The following MLIP variants were observed in gnomAD, a reference collection of about 807,000 sequenced individuals.
The protein encoded by MLIP is muscular LMNA interacting protein, also known as muscular LMNA-interacting protein.
A neutral mutation model predicts 84.8 loss-of-function variants in MLIP; 79 were observed. The observed-to-expected ratio is 0.93, with a 90% CI of 0.78 to 1.12. MLIP has a LOEUF of 1.12. MLIP is among the 50% of genes most tolerant of loss of function. The pLI, the probability that MLIP is intolerant of heterozygous loss-of-function variation, is 0.00. For synonymous variants in MLIP, 504 were observed against 463.0 expected (o/e 1.09, Z -1.14); for missense variants, 1,257 against 1,160.6 (o/e 1.08, Z -1.21).
intron 1 of MLIP, among the ~76,000 whole-genome samples, chr6:54,090,140 A>G (rs1767767248): frequency 1.3e-5 from 2 of 152,152 alleles, no homozygotes; most frequent in Admixed American, 6.6e-5. Context: ...CAGAAGAAAC[A>G]TAAGCAGCAG....
At chr6:54,059,220 T>C (rs1406067690) in intron 1 of MLIP, among the ~76,000 whole-genome samples, 1 of 152,206 alleles carries the variant, frequency 6.6e-6, no homozygotes, top group African/African-American at 2.4e-5. Flanking sequence ...GCTTCTAGTT[T>C]TCTGGATAAA....
chr6:54,047,673 C>G (rs1230349635), intron 1 of MLIP: 2 of 152,156 alleles, frequency 1.3e-5, no homozygotes, highest in Admixed American at 6.5e-5. Flanking sequence ...TGAACTTCAA[C>G]TAAGCAGTTC....
At chr6:54,062,781 A>G (rs1456705492) in intron 1 of MLIP, among the ~76,000 whole-genome samples, 2 of 152,232 alleles carry the variant, frequency 1.3e-5, no homozygotes, top group African/African-American at 2.4e-5. Context: ...CATAAGGAAA[A>G]AGTAAAGTTT....
At chr6:54,193,079 T>C (rs573408404) in intron 10 of MLIP, among the ~76,000 whole-genome samples, 6 of 152,330 alleles carry the variant, frequency 3.9e-5, no homozygotes, top group East Asian at 1.9e-4. Context: ...AATAGAGCCA[T>C]GACCCTTACT....
In MLIP at chr6:54,137,568, C is replaced by T; in HGVS notation, c.1499C>T (p.Thr500Ile). 1 of 1,536,126 alleles carries T rather than the reference C, an allele frequency of 6.5e-7. No homozygotes were observed. Among genetic ancestry groups the T allele is most frequent in the Middle Eastern group, 1.7e-4 (1 of 5,988 alleles). The change falls in exon 4 of 14, where the codon ACT becomes ATT. Residue 500 changes from threonine to isoleucine, a missense_variant. Coordinates refer to ENST00000502396, the MANE Select transcript of MLIP (RefSeq NM_001281747.2). ...CACCTGCCTGTTTTCACCAAGTCTACTCCGCTTTCTCAGGCGCCCTCCCTC... is the reference window on the plus strand; with the variant it reads ...CACCTGCCTGTTTTCACCAAGTCTATTCCGCTTTCTCAGGCGCCCTCCCTC... ...SFHLPVFTKS[T>I]PLSQAPSLSP...
intron 1 of MLIP, among the ~76,000 whole-genome samples, chr6:54,097,588 T>A (rs761967894): frequency 1.3e-5 from 2 of 152,142 alleles, no homozygotes; most frequent in Non-Finnish European, 2.9e-5. Context: ...AAAATGATGG[T>A]GGCAGTAAAA....
intron 1 of MLIP, among the ~76,000 whole-genome samples, chr6:54,120,514 C>A (rs1770355832): frequency 2.0e-5 from 3 of 152,234 alleles, no homozygotes; most frequent in Admixed American, 6.5e-5. Context: ...GCTGGGATTA[C>A]AGGCAGGAGC....
At chr6:54,251,663 A>C (rs1782518203) in intron 12 of MLIP, among the ~76,000 whole-genome samples, 1 of 103,200 alleles carries the variant, frequency 9.7e-6, no homozygotes, top group Non-Finnish European at 1.7e-5. Flanking sequence ...TATAATATAA[A>C]TATATATTAT....
At chr6:54,161,104 T>C (rs989712925) in intron 8 of MLIP, among the ~76,000 whole-genome samples, 4 of 151,966 alleles carry the variant, frequency 2.6e-5, no homozygotes, top group Non-Finnish European at 5.9e-5. Flanking sequence ...AGGCTATGTT[T>C]TTTTTTTACA....
At chr6:54,160,494 T>G (rs755813932) in intron 6 of MLIP, 22 bp from the exon 7 acceptor site, 2 of 1,611,390 alleles carry the variant, frequency 1.2e-6, no homozygotes, top group Non-Finnish European at 1.7e-6. Context: ...GCTAACCCAG[T>G]ACCTGGTTTC....
chr6:54,206,960 C>A (rs115552181), intron 11 of MLIP, among the ~76,000 whole-genome samples: 2,543 of 152,230 alleles, frequency 0.017, 41 homozygotes, highest in Non-Finnish European at 0.025. Context: ...TTTATAATTG[C>A]TAACATTTTA....
At chr6:54,186,251 C>A in intron 9 of MLIP, among the ~76,000 whole-genome samples, 1 of 152,130 alleles carries the variant, frequency 6.6e-6, no homozygotes, top group East Asian at 1.9e-4. Context: ...GAAATATTTG[C>A]AATTTCAAAA....
In MLIP at chr6:54,052,676, GT is replaced by G. The variant is rs542945874; in HGVS notation, c.63+33592del. On this transcript the variant is annotated intron_variant, in intron 1 of 12. Coordinates refer to the MLIP transcript ENST00000274897. ...CATTCAAGAATGCTCTTCTTTCACT[GT>G]TTTTTTGGAGATAAATTATAAGGAA... 2.1e-3 allele frequency among the ~76,000 whole-genome samples: 318 copies of G among 152,062 alleles called. 1 individual carries two copies. Among genetic ancestry groups the G allele is most frequent in the African/African-American group, 7.4e-3 (307 of 41,508 alleles).
chr6:54,084,239 T>C (rs1310170642), intron 1 of MLIP, among the ~76,000 whole-genome samples: 1 of 152,164 alleles, frequency 6.6e-6, no homozygotes, highest in Non-Finnish European at 1.5e-5. Context: ...AGTTGAAGCT[T>C]AGGATTCCAC....
intron 9 of MLIP, among the ~76,000 whole-genome samples, chr6:54,186,264 A>G (rs1777382830): frequency 6.6e-6 from 1 of 152,248 alleles, no homozygotes; most frequent in African/African-American, 2.4e-5. Flanking sequence ...TTTCAAAAAT[A>G]GAAATATTTT....
chr6:54,198,739 C>T (rs776052357), intron 10 of MLIP, among the ~76,000 whole-genome samples: 1 of 152,106 alleles, frequency 6.6e-6, no homozygotes, highest in Non-Finnish European at 1.5e-5. Flanking sequence ...AATCTATGTC[C>T]ATGTTTCTCT....
intron 3 of MLIP, among the ~76,000 whole-genome samples, chr6:54,126,312 T>G (rs1302631425): frequency 6.6e-6 from 1 of 152,126 alleles, no homozygotes; most frequent in African/African-American, 2.4e-5. Context: ...TTCCCCTGAA[T>G]TGGCCATTTA....
chr6:54,041,565 G>C (rs1430137726), intron 1 of MLIP, among the ~76,000 whole-genome samples: 1 of 151,920 alleles, frequency 6.6e-6, no homozygotes, highest in Non-Finnish European at 1.5e-5. Context: ...AGTTCCAGTT[G>C]GTCTACATCT....
At chr6:54,124,367 T>C (rs1376013463) in intron 2 of MLIP, 106 bp from the exon 3 acceptor site, 33 of 1,033,584 alleles carry the variant, frequency 3.2e-5, no homozygotes, top group Non-Finnish European at 4.5e-5. Flanking sequence ...CCTAATTTAA[T>C]ATATTTTTGA....
Sources: allele counts gnomAD v4.1 joint callset (sites outside exome capture counted in the v4.1 genomes callset), GRCh38; gene constraint gnomAD v4.1.1; transcripts MANE v1.5; gene names NCBI Gene and HGNC (gene_info 2026-07-23, HGNC 2026-07-21).